The following ALCAM variants were observed in gnomAD, a reference collection of about 807,000 sequenced individuals.
ALCAM encodes the protein activated leukocyte cell adhesion molecule.
Under a neutral mutation model 70.9 loss-of-function variants are expected in ALCAM, and 30 were observed. The observed-to-expected ratio is 0.42, with a 90% confidence interval of 0.32 to 0.57. The LOEUF (loss-of-function observed/expected upper bound fraction) is 0.57. Ranked by LOEUF, ALCAM falls within the 20% of genes least tolerant of loss-of-function variation. ALCAM has a pLI of 0.11. For synonymous variants in ALCAM, 249 were observed against 242.5 expected, an observed-to-expected ratio of 1.03 and a Z score of -0.25; for missense variants, 591 against 695.1, an observed-to-expected ratio of 0.85 and a Z score of 1.68.
At chr3:105,400,115 G>T (rs1936052207) in intron 1 of ALCAM, among the ~76,000 whole-genome samples, 1 of 152,114 alleles carries the variant, frequency 6.6e-6, no homozygotes, top group Admixed American at 6.6e-5. Context: ...ACGTTGTCCT[G>T]TTAAGGCTGA....
At chr3:105,416,549 T>C (rs1436203150) in intron 1 of ALCAM, among the ~76,000 whole-genome samples, 1 of 152,036 alleles carries the variant, frequency 6.6e-6, no homozygotes, top group Non-Finnish European at 1.5e-5. Context: ...TGCATATTAT[T>C]ATTATTGATA....
At chr3:105,539,831 A>G (rs974549587) in intron 6 of ALCAM, 144 bp from the exon 7 acceptor site, 2 of 742,056 alleles carry the variant, frequency 2.7e-6, no homozygotes, top group Non-Finnish European at 2.0e-6. Flanking sequence ...ATTAGCTTCA[A>G]TCCTTCTATA....
At chr3:105,400,243 G>A (rs1322425898) in intron 1 of ALCAM, among the ~76,000 whole-genome samples, 3 of 152,116 alleles carry the variant, frequency 2.0e-5, no homozygotes, top group African/African-American at 7.2e-5. Flanking sequence ...TGTGGGTAAA[G>A]TATTTGAAAG....
chr3:105,528,511 A>G lies in ALCAM; in HGVS notation c.395-3491A>G, dbSNP rs555525036. On this transcript the variant is annotated intron_variant, in intron 3 of 15. Transcript: ENST00000306107. ...CTATTTATGAAATGTTTTAATTGAC[A>G]CTAAATATTACATGTAGCTTAACTT... is the stretch of plus-strand genomic sequence containing the variant. Among the ~76,000 whole-genome samples, 5 of 152,304 alleles carry G rather than the reference A, an allele frequency of 3.3e-5. No homozygotes were observed. The East Asian group carries it at 9.7e-4, about 29-fold the overall frequency.
At chr3:105,533,723 T>A (rs751024594) in intron 5 of ALCAM, 33 bp downstream of exon 5, 49 of 1,578,546 alleles carry the variant, frequency 3.1e-5, no homozygotes, top group Non-Finnish European at 4.2e-5. Context: ...AGGGAGTACA[T>A]TCAGAGGACC....
intron 1 of ALCAM, among the ~76,000 whole-genome samples, chr3:105,470,913 G>A (rs1420909849): frequency 6.6e-6 from 1 of 151,178 alleles, no homozygotes; most frequent in Non-Finnish European, 1.5e-5. Context: ...AATTCATGAG[G>A]AAATTTAATG....
At chr3:105,520,939 T>G (rs941624832) in intron 2 of ALCAM, among the ~76,000 whole-genome samples, 1 of 152,220 alleles carries the variant, frequency 6.6e-6, no homozygotes, top group Non-Finnish European at 1.5e-5. Flanking sequence ...TATCAAAATT[T>G]CCCTAGCTCC....
intron 1 of ALCAM, among the ~76,000 whole-genome samples, chr3:105,438,211 T>C (rs1937092746): frequency 1.3e-5 from 2 of 152,108 alleles, no homozygotes; most frequent in African/African-American, 4.8e-5. Context: ...GACTATATAC[T>C]GATCTAGTAT....
intron 1 of ALCAM, among the ~76,000 whole-genome samples, chr3:105,396,444 C>T (rs1935952859): frequency 6.6e-6 from 1 of 151,924 alleles, no homozygotes. Flanking sequence ...ATTGATTGGG[C>T]AATGTCTCAA....
At chr3:105,400,517 G>A (rs1936061459) in intron 1 of ALCAM, among the ~76,000 whole-genome samples, 1 of 152,098 alleles carries the variant, frequency 6.6e-6, no homozygotes, top group African/African-American at 2.4e-5. Context: ...TTTTACCACT[G>A]TCATTTTAGA....
chr3:105,572,510 T>C (rs755034254), intron 15 of ALCAM, among the ~76,000 whole-genome samples: 1 of 152,160 alleles, frequency 6.6e-6, no homozygotes, highest in Non-Finnish European at 1.5e-5. Context: ...TGGTTCCAAG[T>C]CTTTGCTATT....
chr3:105,373,937 T>G (rs1282658944), intron 1 of ALCAM, among the ~76,000 whole-genome samples: 1 of 152,040 alleles, frequency 6.6e-6, no homozygotes, highest in East Asian at 1.9e-4. Context: ...AACTGGAAAA[T>G]AAAACCATCA....
intron 1 of ALCAM, among the ~76,000 whole-genome samples, chr3:105,385,244 T>C (rs1935621374): frequency 1.3e-5 from 2 of 151,598 alleles, no homozygotes; most frequent in Non-Finnish European, 3.0e-5. Context: ...TATTTTAGTA[T>C]ATGTAAATAG....
intron 1 of ALCAM, among the ~76,000 whole-genome samples, chr3:105,473,342 T>A (rs1318701625): frequency 6.6e-6 from 1 of 151,506 alleles, no homozygotes; most frequent in African/African-American, 2.4e-5. Context: ...GTCTTGATGT[T>A]ACAAGAAAAT....
At chr3:105,505,643 G>A (rs1422004720) in intron 1 of ALCAM, among the ~76,000 whole-genome samples, 3 of 151,900 alleles carry the variant, frequency 2.0e-5, no homozygotes, top group Non-Finnish European at 4.4e-5. Flanking sequence ...TTTAGATTAA[G>A]GAAATTTTAT....
At chr3:105,402,165 A>G (rs1221445940) in intron 1 of ALCAM, among the ~76,000 whole-genome samples, 2 of 152,338 alleles carry the variant, frequency 1.3e-5, no homozygotes, top group South Asian at 4.1e-4. Flanking sequence ...TAGTGATTTC[A>G]TTTATACTCA....
chr3:105,490,148 T>C (rs1187030478), intron 1 of ALCAM, among the ~76,000 whole-genome samples: 2 of 152,222 alleles, frequency 1.3e-5, no homozygotes, highest in African/African-American at 2.4e-5. Context: ...AAGTTTTTCT[T>C]TGTTGAGAGT....
intron 2 of ALCAM, among the ~76,000 whole-genome samples, chr3:105,523,575 A>T (rs548005539): frequency 3.3e-5 from 5 of 152,294 alleles, no homozygotes; most frequent in Admixed American, 2.6e-4. Flanking sequence ...TTTTTGTGGG[A>T]CCAGAGGAAG....
At position 105,426,724 on chromosome 3, in the gene ALCAM, G is replaced by A. The variant is rs558187495; in HGVS notation, c.73+59243G>A. 1.5e-4 allele frequency among the ~76,000 whole-genome samples: 23 copies of A among 151,784 alleles called. No homozygotes were observed. The Middle Eastern group carries it at 0.01, about 67-fold the overall frequency. ...AGCAACGAACTTGCTTTCCATTTAT[G>A]CAAATTAGATTGTTAACTTCCTATG... is the stretch of plus-strand genomic sequence containing the variant. On this transcript the variant is annotated intron_variant, in intron 1 of 15. Coordinates refer to ENST00000306107, the MANE Select transcript of ALCAM (RefSeq NM_001627.4).
Sources: gnomAD v4.1 joint callset for allele counts (sites outside exome capture counted in the v4.1 genomes callset) on GRCh38, gnomAD v4.1.1 for gene constraint, MANE v1.5 for transcripts, NCBI Gene and HGNC (gene_info 2026-07-23, HGNC 2026-07-21) for gene names.